NMT1: variants seen among roughly 807,000 people sequenced by gnomAD.
The protein encoded by NMT1 is N-myristoyltransferase 1.
In NMT1, 12 loss-of-function variants were observed where a neutral mutation model predicts 63.4. That is an observed-to-expected ratio of 0.19 (90% CI 0.12 to 0.31). NMT1 has a LOEUF of 0.31. Ranked by LOEUF, NMT1 falls within the 10% of genes least tolerant of loss-of-function variation. The pLI, the probability that NMT1 is intolerant of heterozygous loss-of-function variation, is 1.00. For missense variants in NMT1, 432 were observed against 634.6 expected (o/e 0.68, Z 3.43); for synonymous variants, 228 against 234.3 (o/e 0.97, Z 0.25).
intron 1 of NMT1, among the ~76,000 whole-genome samples, chr17:45,073,554 A>G (rs1295755396): frequency 6.6e-6 from 1 of 152,208 alleles, no homozygotes; most frequent in Non-Finnish European, 1.5e-5. Context: ...GAGAACTAGA[A>G]TAGTCAGAGC....
intron 1 of NMT1, among the ~76,000 whole-genome samples, chr17:45,070,641 TCTC>T (rs1234281153): frequency 5.5e-5 from 8 of 145,618 alleles, no homozygotes; most frequent in African/African-American, 2.1e-4. Flanking sequence ...ATGGTCTCGA[TCTC>T]CTGACCTCAT....
chr17:45,094,660 G>A (rs2054112158), intron 4 of NMT1, among the ~76,000 whole-genome samples: 1 of 146,576 alleles, frequency 6.8e-6, no homozygotes. Context: ...GATTACAGGT[G>A]AGTGCCACCA....
chr17:45,095,658 G>A (rs1195418656), intron 4 of NMT1, among the ~76,000 whole-genome samples: 1 of 152,146 alleles, frequency 6.6e-6, no homozygotes, highest in Non-Finnish European at 1.5e-5. Context: ...AGTAGTCTCA[G>A]CTACCCAGGA....
chr17:45,105,900 A>G lies in NMT1; in HGVS notation c.*261A>G. On this transcript the variant is annotated 3_prime_UTR_variant, in exon 12 of 12. Coordinates refer to ENST00000258960, the MANE Select transcript of NMT1 (RefSeq NM_021079.5). This position sits in a 1 kb window ranked among gnomAD's most constrained non-coding sequence, Gnocchi z 4.2. Reference sequence around the variant, plus strand: ...CATGCAGCCGTGATCAAGGGAATGTAACTGCTGAAAACTAGCTCGTGATTG... The same window carrying G: ...CATGCAGCCGTGATCAAGGGAATGTGACTGCTGAAAACTAGCTCGTGATTG... 2.3e-6 allele frequency: 1 copy of G among 428,334 alleles called. No individual in the cohort carries two copies. Among genetic ancestry groups the G allele is most frequent in the Non-Finnish European group, 4.1e-6 (1 of 242,932 alleles). The allele number at this position is 428,334 out of a possible 1,614,324, so 26.5% of individuals were successfully genotyped here. A position where few individuals can be genotyped will look rare whatever the true frequency, so the allele number is the denominator to read the frequency against.
intron 3 of NMT1, among the ~76,000 whole-genome samples, chr17:45,090,861 C>T (rs765323860): frequency 6.6e-6 from 1 of 152,038 alleles, no homozygotes; most frequent in Admixed American, 6.6e-5. Flanking sequence ...CTGTGCTCTG[C>T]AGAGCAGCCT....
At chr17:45,081,809 T>C in intron 2 of NMT1, 57 bp downstream of exon 2, 1 of 1,299,650 alleles carries the variant, frequency 7.7e-7, no homozygotes, top group Non-Finnish European at 1.1e-6. Flanking sequence ...GAGAGAGTTT[T>C]GAGGTGAATG....
chr17:45,097,007 C>T, intron 5 of NMT1, 121 bp from the exon 6 acceptor site: 2 of 724,066 alleles, frequency 2.8e-6, no homozygotes, highest in Middle Eastern at 3.8e-4. Flanking sequence ...TAAAGAGAAT[C>T]CAGCTATTAA....
chr17:45,071,889 A>G (rs1019376562), intron 1 of NMT1, among the ~76,000 whole-genome samples: 6 of 152,142 alleles, frequency 3.9e-5, no homozygotes, highest in Non-Finnish European at 8.8e-5. Context: ...TCACACCACC[A>G]CACCTGGCTG....
At chr17:45,102,921 C>G (rs1320365456) in intron 8 of NMT1, 30 bp from the exon 9 acceptor site, 3 of 1,588,508 alleles carry the variant, frequency 1.9e-6, no homozygotes, top group African/African-American at 2.7e-5. Context: ...ATCAGCTCAT[C>G]TCACTCCATC....
intron 7 of NMT1, chr17:45,098,771 G>A: frequency 2.0e-6 from 1 of 502,540 alleles, no homozygotes; most frequent in Non-Finnish European, 3.6e-6. Context: ...TGTCTGGAGG[G>A]CTCTTGGTGT....
intron 1 of NMT1, among the ~76,000 whole-genome samples, chr17:45,069,269 T>A (rs1361051051): frequency 1.5e-5 from 2 of 133,440 alleles, no homozygotes; most frequent in African/African-American, 2.7e-5. Context: ...AGACTTTATT[T>A]TTTATTATTT....
Position 45,104,139 on chromosome 17 carries a change from C to T in NMT1, c.1332+263C>T, listed in dbSNP as rs1348493382. ...CTCACAGGAGGCGCCACCAAGGAGC[C>T]TGAATAGCCAGGCCTTCCCTGGGAG... On this transcript the variant is annotated intron_variant, in intron 10 of 11. Transcript: ENST00000258960. This position sits in a 1 kb window ranked among gnomAD's most constrained non-coding sequence, Gnocchi z 4.2. 5 of 1,367,806 alleles carry T rather than the reference C, an allele frequency of 3.7e-6. No homozygotes were observed. The African/African-American group carries it at 5.9e-5, about 16-fold the overall frequency. The allele number at this position is 1,367,806 out of a possible 1,614,324, so 84.7% of individuals were successfully genotyped here.
At position 45,104,047 on chromosome 17, in the gene NMT1, G is replaced by A. The variant is rs149825462; in HGVS notation, c.1332+171G>A. Reference sequence around the variant, plus strand: ...TTTTTAGGCAGAAACTCAAAACTTGGAGGGAACAAGGAGCATCCGAAGTGA... The same window carrying A: ...TTTTTAGGCAGAAACTCAAAACTTGAAGGGAACAAGGAGCATCCGAAGTGA... On this transcript the variant is annotated intron_variant, in intron 10 of 11. Transcript: ENST00000258960. This position sits in a 1 kb window ranked among gnomAD's most constrained non-coding sequence, Gnocchi z 4.2. 743 of 1,558,926 alleles carry A rather than the reference G, an allele frequency of 4.8e-4. 3 individuals are homozygous for A. The African/African-American group carries it at 9.4e-3, about 20-fold the overall frequency.
chr17:45,090,484 G>A (rs2054080907), intron 3 of NMT1, among the ~76,000 whole-genome samples: 1 of 152,136 alleles, frequency 6.6e-6, no homozygotes, highest in African/African-American at 2.4e-5. Context: ...GGAATGCAGT[G>A]TGGCCACTCT....
At chr17:45,099,296 C>A (rs2054146234) in intron 7 of NMT1, 109 bp from the exon 8 acceptor site, 2 of 759,672 alleles carry the variant, frequency 2.6e-6, no homozygotes, top group Admixed American at 1.8e-5. Flanking sequence ...TCCGGAGGCA[C>A]CTGATGTGTC....
intron 1 of NMT1, among the ~76,000 whole-genome samples, chr17:45,066,010 C>T (rs998056195): frequency 2.0e-5 from 3 of 151,966 alleles, no homozygotes; most frequent in African/African-American, 7.3e-5. Flanking sequence ...CCACACCCAG[C>T]CTCCTGCCCC....
Position 45,070,399 on chromosome 17 carries a change from C to T in NMT1, c.131+8939C>T, listed in dbSNP as rs145144588. ...TCAAGTAGCTGGGATTACAGGCACC[C>T]GCCACCATGCCTAGCTAATTTTTAT... On this transcript the variant is annotated intron_variant, in intron 1 of 11. Transcript: ENST00000258960. Among the ~76,000 whole-genome samples, 740 of 151,974 alleles carry T rather than the reference C, an allele frequency of 4.9e-3. 3 individuals are homozygous for T. Among genetic ancestry groups the T allele is most frequent in the Admixed American group, 5.1e-3 (78 of 15,230 alleles).
chr17:45,061,508 G>C, intron 1 of NMT1, 48 bp downstream of exon 1: 2 of 1,562,904 alleles, frequency 1.3e-6, no homozygotes, highest in Non-Finnish European at 1.7e-6. Flanking sequence ...CCCACAACCT[G>C]GGTCTCTGGG....
chr17:45,063,164 C>G (rs1383247490), intron 1 of NMT1, among the ~76,000 whole-genome samples: 1 of 144,734 alleles, frequency 6.9e-6, no homozygotes, highest in East Asian at 2.0e-4. Flanking sequence ...GAGATCACGC[C>G]ACTGCACTCC....
Sources: allele counts gnomAD v4.1 joint callset (sites outside exome capture counted in the v4.1 genomes callset), GRCh38; gene constraint gnomAD v4.1.1; non-coding constraint Gnocchi (gnomAD v3.1); transcripts MANE v1.5; gene names NCBI Gene and HGNC (gene_info 2026-07-23, HGNC 2026-07-21).